GREB1L: variants seen among roughly 807,000 people sequenced by gnomAD.
The protein encoded by GREB1L is GREB1-like protein.
GREB1L carries 17 observed loss-of-function variants against 200.8 expected under a neutral mutation model. That is an observed-to-expected ratio of 0.08 (90% CI 0.06 to 0.13). The LOEUF is 0.13. Among genes scored for constraint, GREB1L ranks in the 10% least tolerant of loss-of-function variants. The pLI is 1.00. For missense variants in GREB1L, 1,657 were observed against 2,367.7 expected, an observed-to-expected ratio of 0.70 and a Z score of 6.23; for synonymous variants, 789 against 893.0, an observed-to-expected ratio of 0.88 and a Z score of 2.08.
intron 1 of GREB1L, among the ~76,000 whole-genome samples, chr18:21,256,361 A>T (rs2037798363): frequency 1.3e-5 from 2 of 152,206 alleles, no homozygotes; most frequent in Admixed American, 1.3e-4. Flanking sequence ...GAGAATAGTT[A>T]GGTGTACATT....
At chr18:21,383,104 A>T (rs568167722) in intron 2 of GREB1L, among the ~76,000 whole-genome samples, 1 of 152,214 alleles carries the variant, frequency 6.6e-6, no homozygotes, top group Admixed American at 6.5e-5. Context: ...TAAAGAGAAA[A>T]TTCATTACTT....
intron 1 of GREB1L, among the ~76,000 whole-genome samples, chr18:21,338,432 C>A (rs2039220053): frequency 6.6e-6 from 1 of 152,246 alleles, no homozygotes; most frequent in Non-Finnish European, 1.5e-5. Context: ...ATATTCAGAT[C>A]AAATATAGCC....
intron 1 of GREB1L, among the ~76,000 whole-genome samples, chr18:21,333,192 G>T (rs1408313403): frequency 2.0e-5 from 3 of 152,108 alleles, no homozygotes; most frequent in African/African-American, 7.2e-5. Flanking sequence ...GTGCCTGGAA[G>T]GATGTATTAC....
intron 1 of GREB1L, among the ~76,000 whole-genome samples, chr18:21,352,101 C>T (rs1195188807): frequency 6.6e-6 from 1 of 152,178 alleles, no homozygotes; most frequent in Admixed American, 6.5e-5. Flanking sequence ...CTGCCTCTGC[C>T]TCCCAAAGTG....
intron 18 of GREB1L, 134 bp from the exon 19 acceptor site, chr18:21,489,878 C>G: frequency 1.5e-6 from 1 of 658,080 alleles, no homozygotes; most frequent in South Asian, 1.9e-5. Flanking sequence ...CCAGGTCATT[C>G]TAGAACTAAA....
intron 1 of GREB1L, among the ~76,000 whole-genome samples, chr18:21,356,741 A>G (rs1297717891): frequency 1.3e-5 from 2 of 151,650 alleles, no homozygotes; most frequent in African/African-American, 4.9e-5. Context: ...TTTTTGAGAA[A>G]CCTCCATACT....
At chr18:21,464,780 A>C (rs1157787030) in intron 15 of GREB1L, among the ~76,000 whole-genome samples, 1 of 152,150 alleles carries the variant, frequency 6.6e-6, no homozygotes, top group Non-Finnish European at 1.5e-5. Context: ...AAACTGTTCA[A>C]CCTGAGTCTG....
At chr18:21,333,136 A>C (rs1051810309) in intron 1 of GREB1L, among the ~76,000 whole-genome samples, 1 of 151,980 alleles carries the variant, frequency 6.6e-6, no homozygotes, top group Non-Finnish European at 1.5e-5. Context: ...ATTTCTGGGT[A>C]TCTAACTGGT....
chr18:21,521,436 A>G (rs1193515010), intron 32 of GREB1L, among the ~76,000 whole-genome samples: 1 of 152,150 alleles, frequency 6.6e-6, no homozygotes, highest in Non-Finnish European at 1.5e-5. Flanking sequence ...GATAATCCTT[A>G]TAAAATGACC....
intron 1 of GREB1L, among the ~76,000 whole-genome samples, chr18:21,268,758 G>A (rs1428565466): frequency 6.6e-6 from 1 of 150,920 alleles, no homozygotes; most frequent in Non-Finnish European, 1.5e-5. Context: ...CACCACGCCT[G>A]GCTAATTTTT....
intron 1 of GREB1L, among the ~76,000 whole-genome samples, chr18:21,329,179 G>A (rs1251353320): frequency 1.3e-5 from 2 of 151,986 alleles, no homozygotes; most frequent in Non-Finnish European, 2.9e-5. Flanking sequence ...ACGAAAATTA[G>A]CCAGGCATAG....
intron 1 of GREB1L, among the ~76,000 whole-genome samples, chr18:21,333,186 C>T (rs2039132517): frequency 1.3e-5 from 2 of 152,080 alleles, no homozygotes; most frequent in Non-Finnish European, 2.9e-5. Flanking sequence ...AGTCTGGTGC[C>T]TGGAAGGATG....
intron 20 of GREB1L, 25 bp downstream of exon 20, chr18:21,495,810 T>C: frequency 7.7e-7 from 1 of 1,294,724 alleles, no homozygotes; most frequent in Non-Finnish European, 1.1e-6. Context: ...ATTAATTCCA[T>C]TTTTCATCAG....
chr18:21,411,220 T>G (rs1349422653), intron 7 of GREB1L, among the ~76,000 whole-genome samples: 5 of 151,710 alleles, frequency 3.3e-5, no homozygotes, highest in African/African-American at 7.3e-5. Context: ...TCTTTTTTTT[T>G]TTTTGAGACA....
intron 15 of GREB1L, chr18:21,454,764 T>C (rs1238493463): frequency 1.0e-5 from 6 of 590,718 alleles, no homozygotes; most frequent in Non-Finnish European, 1.8e-5. Context: ...AGGTCAAGGG[T>C]AAATTGTTGT....
chr18:21,439,524 C>T lies in GREB1L; in HGVS notation c.836C>T (p.Ala279Val), dbSNP rs1297025222. The change falls in exon 8 of 33, where the codon GCT (alanine) becomes GTT (valine). Residue 279 changes from alanine (A) to valine (V), a missense_variant. Around this residue, in one of 9 missense-constraint regions of GREB1L, gnomAD observed 289 missense variants for 345.1 expected, o/e 0.84. Coordinates refer to ENST00000424526, the MANE Select transcript of GREB1L (RefSeq NM_001142966.3). The part of the protein sequence containing the change: ...GYKSGFTQTD[A>V]ANGNSSHGGK... ...CTCCTCTCCTTGTGTTCTACAGATG[C>T]TGCTAATGGAAACAGTAGCCATGGA... 19 of 1,526,046 alleles carry T rather than the reference C, an allele frequency of 1.2e-5. No individual in the cohort carries two copies. In the Admixed American group the frequency reaches 3.7e-4, roughly 30 times the overall value. 94.5% of individuals were successfully genotyped at this position (1,526,046 alleles called of 1,614,324 possible).
intron 7 of GREB1L, among the ~76,000 whole-genome samples, chr18:21,409,337 G>A (rs2030679702): frequency 6.6e-6 from 1 of 152,184 alleles, no homozygotes; most frequent in African/African-American, 2.4e-5. Context: ...AATTTATAGA[G>A]GAAGGAAGTA....
At chr18:21,283,087 C>G (rs759112396) in intron 1 of GREB1L, among the ~76,000 whole-genome samples, 12 of 152,002 alleles carry the variant, frequency 7.9e-5, no homozygotes, top group Non-Finnish European at 1.6e-4. Flanking sequence ...GAATAAATTC[C>G]TAGAAAGTCT....
chr18:21,427,888 C>T (rs1485716003), intron 7 of GREB1L, among the ~76,000 whole-genome samples: 2 of 152,088 alleles, frequency 1.3e-5, no homozygotes, highest in South Asian at 2.1e-4. Flanking sequence ...TAAATAGAAG[C>T]GGCAAGAGTG....
Sources: gnomAD v4.1 joint callset for allele counts (sites outside exome capture counted in the v4.1 genomes callset) on GRCh38, gnomAD v4.1.1 for gene constraint, gnomAD v4.1.1 regional missense constraint, MANE v1.5 for transcripts, NCBI Gene and HGNC (gene_info 2026-07-23, HGNC 2026-07-21) for gene names.